The following NOL4 variants were observed in gnomAD, a reference collection of about 807,000 sequenced individuals.
The protein encoded by NOL4 is nucleolar protein 4, also known as cancer/testis antigen 125.
In NOL4, 17 loss-of-function variants were observed where a neutral mutation model predicts 75.9. That is an observed-to-expected ratio of 0.22 (90% confidence interval 0.15 to 0.34). The LOEUF is 0.34. NOL4 is among the 10% of genes least tolerant of loss of function. NOL4 has a pLI of 1.00. For missense variants in NOL4, 614 were observed against 793.5 expected, an observed-to-expected ratio of 0.77 and a Z score of 2.72; for synonymous variants, 292 against 289.9, an observed-to-expected ratio of 1.01 and a Z score of -0.07.
intron 6 of NOL4, among the ~76,000 whole-genome samples, chr18:34,015,805 A>G (rs2074655858): frequency 6.6e-6 from 1 of 152,110 alleles, no homozygotes; most frequent in Non-Finnish European, 1.5e-5. Context: ...GCTTCTTCAA[A>G]TGTTTCTCAT....
At chr18:34,004,904 A>T (rs1177388535) in intron 6 of NOL4, among the ~76,000 whole-genome samples, 2 of 152,036 alleles carry the variant, frequency 1.3e-5, no homozygotes, top group Non-Finnish European at 1.5e-5. Flanking sequence ...TGTTGTAGCA[A>T]GTTTAATGTC....
chr18:33,863,396 A>C (rs2063272520), intron 10 of NOL4, among the ~76,000 whole-genome samples: 1 of 152,148 alleles, frequency 6.6e-6, no homozygotes, highest in African/African-American at 2.4e-5. Flanking sequence ...CATTGTGCAT[A>C]TGTACCCTAA....
At chr18:34,126,182 G>A (rs2080379765) in intron 2 of NOL4, among the ~76,000 whole-genome samples, 1 of 152,100 alleles carries the variant, frequency 6.6e-6, no homozygotes, top group South Asian at 2.1e-4. Context: ...ACTATATGCC[G>A]AGCACTTTGC....
intron 6 of NOL4, among the ~76,000 whole-genome samples, chr18:34,017,639 T>C (rs1375423692): frequency 1.3e-5 from 2 of 152,132 alleles, no homozygotes; most frequent in African/African-American, 4.8e-5. Flanking sequence ...CTTTTCCCAA[T>C]GTGCTATCAA....
intron 10 of NOL4, among the ~76,000 whole-genome samples, chr18:33,876,119 C>T (rs576409825): frequency 6.6e-6 from 1 of 152,190 alleles, no homozygotes; most frequent in South Asian, 2.1e-4. Context: ...AAGATTTGAA[C>T]ATGAGAACTC....
At chr18:34,109,025 T>A (rs1463514850) in intron 2 of NOL4, among the ~76,000 whole-genome samples, 1 of 151,732 alleles carries the variant, frequency 6.6e-6, no homozygotes, top group Non-Finnish European at 1.5e-5. Context: ...AAACTAGAAA[T>A]CAATAATAGA....
At chr18:34,039,332 G>A (rs2076043550) in intron 5 of NOL4, among the ~76,000 whole-genome samples, 1 of 151,944 alleles carries the variant, frequency 6.6e-6, no homozygotes, top group South Asian at 2.1e-4. Context: ...TTTGCTCATA[G>A]GTCTGGGTGG....
At chr18:34,091,274 A>C (rs917676101) in intron 5 of NOL4, among the ~76,000 whole-genome samples, 4 of 151,962 alleles carry the variant, frequency 2.6e-5, no homozygotes, top group East Asian at 3.9e-4. Context: ...GAGGCAGGAG[A>C]ATTGCTTGAA....
At chr18:34,031,844 T>C (rs1441851487) in intron 5 of NOL4, among the ~76,000 whole-genome samples, 1 of 152,166 alleles carries the variant, frequency 6.6e-6, no homozygotes, top group Admixed American at 6.5e-5. Flanking sequence ...CAGGAAAGCC[T>C]CTTCACCCTT....
chr18:34,111,876 C>T (rs1568356228), intron 2 of NOL4, among the ~76,000 whole-genome samples: 1 of 152,128 alleles, frequency 6.6e-6, no homozygotes, highest in Non-Finnish European at 1.5e-5. Context: ...AAGCCTTGTA[C>T]ACTACTGGTG....
intron 5 of NOL4, among the ~76,000 whole-genome samples, chr18:34,037,971 G>C (rs146002858): frequency 6.6e-6 from 1 of 152,164 alleles, no homozygotes; most frequent in African/African-American, 2.4e-5. Context: ...TTGAATAGGA[G>C]AGAATATGTG....
In NOL4 at chr18:33,929,884, A is replaced by G. The variant is rs1030324505; in HGVS notation, c.1542+13181T>C. Reference sequence around the variant, plus strand: ...AAAACCATGGAAAATTTAGAAGTTTATAACTTCTGTCATTAAAAACTTATC... The same window carrying G: ...AAAACCATGGAAAATTTAGAAGTTTGTAACTTCTGTCATTAAAAACTTATC... On this transcript the variant is annotated intron_variant, in intron 9 of 10. Coordinates refer to ENST00000261592, the MANE Select transcript of NOL4 (RefSeq NM_003787.5). 7.2e-5 allele frequency among the ~76,000 whole-genome samples: 11 copies of G among 152,274 alleles called. No homozygotes were observed. The South Asian group carries it at 1.0e-3, about 14-fold the overall frequency.
Position 34,047,602 on chromosome 18 carries a change from T to A in NOL4, c.773-28001A>T, listed in dbSNP as rs1022027288. Among the ~76,000 whole-genome samples the A allele has an allele frequency of 9.2e-5, 14 of 152,240 alleles. No homozygotes were observed. In the East Asian group the frequency reaches 2.3e-3, roughly 25 times the overall value. On this transcript the variant is annotated intron_variant, in intron 5 of 10. Transcript: ENST00000261592. The stretch of plus-strand genomic sequence containing the variant: ...TTTCAATTTTGTATGTGGATTAAAG[T>A]GTCTTTTGAGGTAATTAAGTTTTTG...
chr18:33,954,535 A>G (rs1173438326), intron 8 of NOL4, among the ~76,000 whole-genome samples: 1 of 126,506 alleles, frequency 7.9e-6, no homozygotes, highest in Non-Finnish European at 1.8e-5. Flanking sequence ...GATATCTGAG[A>G]ACTTTTTTTT....
chr18:33,943,478 G>A (rs747077527), intron 8 of NOL4, among the ~76,000 whole-genome samples: 42 of 151,726 alleles, frequency 2.8e-4, no homozygotes, highest in Non-Finnish European at 5.3e-4. Context: ...CAAAACTGCT[G>A]ACTGGATTTT....
rs1169268180 is a variant in NOL4, at chr18:34,179,400, T to C, written c.264+43590A>G. On this transcript the variant is annotated intron_variant, in intron 1 of 10. Transcript: ENST00000261592. ...AATAGATACTAGAAAAAACAGAGAA[T>C]AATCAATAAGACCGTAAGTTGGTTG... Among the ~76,000 whole-genome samples, 4 of 151,254 alleles carry C rather than the reference T, an allele frequency of 2.6e-5. No homozygotes were observed. The Admixed American group carries it at 2.6e-4, about 10-fold the overall frequency.
chr18:34,076,805 G>T (rs924482571), intron 5 of NOL4, among the ~76,000 whole-genome samples: 2 of 152,086 alleles, frequency 1.3e-5, no homozygotes, highest in Admixed American at 1.3e-4. Flanking sequence ...AGAATTCTTA[G>T]ACACAAATTT....
At chr18:33,908,151 C>A (rs918570434) in intron 9 of NOL4, among the ~76,000 whole-genome samples, 2 of 152,160 alleles carry the variant, frequency 1.3e-5, no homozygotes, top group Non-Finnish European at 2.9e-5. Flanking sequence ...GCATTTTTCA[C>A]AGGAGTCAGT....
At chr18:34,108,317 G>C (rs149142929) in intron 2 of NOL4, among the ~76,000 whole-genome samples, 2 of 151,934 alleles carry the variant, frequency 1.3e-5, no homozygotes, top group Non-Finnish European at 2.9e-5. Context: ...AAAACAGTTA[G>C]TAAAATGGCA....
Sources: gnomAD v4.1 joint callset for allele counts (sites outside exome capture counted in the v4.1 genomes callset) on GRCh38, gnomAD v4.1.1 for gene constraint, MANE v1.5 for transcripts, NCBI Gene and HGNC (gene_info 2026-07-23, HGNC 2026-07-21) for gene names.